Variants in PDGFRB observed in about 807,000 individuals in gnomAD.
PDGFRB encodes platelet-derived growth factor receptor beta.
A neutral mutation model predicts 120.2 loss-of-function variants in PDGFRB; 42 were observed. The ratio of observed to expected loss-of-function variants is 0.35; its 90% confidence interval spans 0.27 to 0.45. PDGFRB has a LOEUF of 0.45. Among genes scored for constraint, PDGFRB ranks in the 20% least tolerant of loss-of-function variants. The pLI is 1.00. For missense variants in PDGFRB, 1,149 were observed against 1,476.3 expected (o/e 0.78, Z 3.63); for synonymous variants, 586 against 606.8 (o/e 0.97, Z 0.50).
chr5:150,134,705 G>T, intron 4 of PDGFRB, 45 bp downstream of exon 4: 3 of 1,559,484 alleles, frequency 1.9e-6, no homozygotes, highest in Non-Finnish European at 2.6e-6. Context: ...TCTGTGGAGG[G>T]TTATACTTGC....
intron 11 of PDGFRB, 88 bp from the exon 12 acceptor site, chr5:150,125,665 A>C: frequency 1.5e-6 from 2 of 1,320,854 alleles, no homozygotes; most frequent in South Asian, 1.3e-5. Flanking sequence ...CACATGGGGC[A>C]GGAGACCCTG....
At chr5:150,128,182 C>T (rs1330262201) in intron 10 of PDGFRB, among the ~76,000 whole-genome samples, 1 of 152,246 alleles carries the variant, frequency 6.6e-6, no homozygotes, top group Non-Finnish European at 1.5e-5. Context: ...TGGTGCTCAG[C>T]TTCCCGCTCA....
intron 1 of PDGFRB, among the ~76,000 whole-genome samples, chr5:150,146,543 A>G (rs1292596300): frequency 1.3e-5 from 2 of 152,068 alleles, no homozygotes; most frequent in South Asian, 2.1e-4. Context: ...TCCAAAGCCT[A>G]TATTCTTTCT....
At position 150,132,976 on chromosome 5, in the gene PDGFRB, G is replaced by A. The variant is rs1472219075; in HGVS notation, c.935-34C>T. 1.4e-6 allele frequency: 2 copies of A among 1,461,424 alleles called. No homozygotes were observed. Among genetic ancestry groups the A allele is most frequent in the Non-Finnish European group, 1.9e-6 (2 of 1,073,048 alleles). The allele number at this position is 1,461,424 out of a possible 1,614,324, so 90.5% of individuals were successfully genotyped here. ...GGTGACCGTCAGGGGCGGGGCCCTG[G>A]GGGCAGGGCACCAACTGAATCCCAA... is the stretch of plus-strand genomic sequence containing the variant. On this transcript the variant is annotated intron_variant, in intron 6 of 22. Transcript: ENST00000261799. This position sits in a 1 kb window ranked among gnomAD's most constrained non-coding sequence, Gnocchi z 5.0.
chr5:150,135,911 CAGG>C lies in PDGFRB; in HGVS notation c.41-36_41-34del, dbSNP rs1760617202. On this transcript the variant is annotated intron_variant, in intron 2 of 22. Coordinates refer to ENST00000261799, the MANE Select transcript of PDGFRB (RefSeq NM_002609.4). ...AGAGGAGGTATCAGACATCAGGAAACAGGGGCTTCAGCACCTCTCCCAAGGCTG... is the reference window on the plus strand; with the variant it reads ...AGAGGAGGTATCAGACATCAGGAAACGGCTTCAGCACCTCTCCCAAGGCTG... 2.1e-6 allele frequency: 3 copies of C among 1,459,062 alleles called. No individual in the cohort carries two copies. The African/African-American group carries it at 4.3e-5, about 21-fold the overall frequency. 90.4% of individuals were successfully genotyped at this position (1,459,062 alleles called of 1,614,324 possible). A position where few individuals can be genotyped will look rare whatever the true frequency, so the allele number is the denominator to read the frequency against.
chr5:150,132,189 A>G lies in PDGFRB; in HGVS notation c.1128-95T>C. ...AAGAGGAACAAGGCCCAGGGAGGGG[A>G]AGGGCTTGCCAAGGTCATCTCGGCA... is the stretch of plus-strand genomic sequence containing the variant. On this transcript the variant is annotated intron_variant, in intron 7 of 22. Coordinates refer to ENST00000261799, the MANE Select transcript of PDGFRB (RefSeq NM_002609.4). The surrounding 1 kb of genome is among the most constrained non-coding windows in gnomAD (Gnocchi z 5.0). The G allele has an allele frequency of 1.4e-6, 1 of 689,836 alleles. No individual in the cohort carries two copies. Among genetic ancestry groups the G allele is most frequent in the Non-Finnish European group, 2.6e-6 (1 of 387,688 alleles). 42.7% of individuals were successfully genotyped at this position (689,836 alleles called of 1,614,324 possible).
At position 150,118,962 on chromosome 5, in the gene PDGFRB, G is replaced by A. The variant is rs575616293; in HGVS notation, c.2799-110C>T. 5 of 680,870 alleles carry A rather than the reference G, an allele frequency of 7.3e-6. No homozygotes were observed. The South Asian group carries it at 9.2e-5, about 12-fold the overall frequency. The allele number at this position is 680,870 out of a possible 1,614,324, so 42.2% of individuals were successfully genotyped here. On this transcript the variant is annotated intron_variant, in intron 20 of 22. Coordinates refer to ENST00000261799, the MANE Select transcript of PDGFRB (RefSeq NM_002609.4). ...TCAGAACAAGGTGAGCCATGGAAAG[G>A]AGCTGGAGGGAAGTGGTGGCTGGGT... is the stretch of plus-strand genomic sequence containing the variant.
chr5:150,115,292 T>G lies in PDGFRB; in HGVS notation c.*471A>C. ...GCCAGCAGCCAGGGAGGCTAGGGTC[T>G]CTTCCCTAGCTCCTGGGTGGATAAA... On this transcript the variant is annotated 3_prime_UTR_variant, in exon 23 of 23. Transcript: ENST00000261799. 2 of 233,344 alleles carry G rather than the reference T, an allele frequency of 8.6e-6. No individual in the cohort carries two copies. The highest frequency in any genetic ancestry group is 1.7e-5 in the Non-Finnish European group (2 of 118,178). 14.5% of individuals were successfully genotyped at this position (233,344 alleles called of 1,614,324 possible).
intron 12 of PDGFRB, 149 bp downstream of exon 12, chr5:150,125,296 G>A (rs1047713199): frequency 1.9e-5 from 12 of 624,878 alleles, no homozygotes; most frequent in Non-Finnish European, 3.0e-5. Flanking sequence ...TGCTCTCATT[G>A]TACATAGTAG....
chr5:150,121,173 C>T lies in PDGFRB; in HGVS notation c.2463+31G>A, dbSNP rs1220012483. ...GCTGGGTGACCCACCTCCCCACAGCCCCCACTCTGCCCCACCAACACCACA... is the reference window on the plus strand; with the variant it reads ...GCTGGGTGACCCACCTCCCCACAGCTCCCACTCTGCCCCACCAACACCACA... On this transcript the variant is annotated intron_variant, in intron 17 of 22. Coordinates refer to ENST00000261799, the MANE Select transcript of PDGFRB (RefSeq NM_002609.4). This position sits in a 1 kb window ranked among gnomAD's most constrained non-coding sequence, Gnocchi z 4.1. 2.3e-6 allele frequency: 3 copies of T among 1,315,842 alleles called. No individual in the cohort carries two copies. The highest frequency in any genetic ancestry group is 1.2e-5 in the South Asian group (1 of 85,222). 81.5% of individuals were successfully genotyped at this position (1,315,842 alleles called of 1,614,324 possible).
intron 1 of PDGFRB, among the ~76,000 whole-genome samples, chr5:150,146,066 C>T (rs1760913705): frequency 6.6e-6 from 1 of 152,142 alleles, no homozygotes. Context: ...ATTCACATCT[C>T]CCCCACCTTC....
chr5:150,140,939 C>A (rs1178921576), intron 1 of PDGFRB, among the ~76,000 whole-genome samples: 2 of 152,186 alleles, frequency 1.3e-5, no homozygotes, highest in Non-Finnish European at 1.5e-5. Context: ...CCAGCAACAG[C>A]TTCCCTCCCT....
intron 14 of PDGFRB, 72 bp downstream of exon 14, chr5:150,124,176 AGG>A: frequency 1.0e-6 from 1 of 965,384 alleles, no homozygotes; most frequent in Non-Finnish European, 1.6e-6. Flanking sequence ...GCAAGGCCTG[AGG>A]GGGGGGTAGG....
chr5:150,139,690 G>A (rs1760728483), intron 1 of PDGFRB, among the ~76,000 whole-genome samples: 1 of 129,734 alleles, frequency 7.7e-6, no homozygotes, highest in Non-Finnish European at 1.6e-5. Flanking sequence ...ACAATTAAGA[G>A]TTAGACCAAG....
At chr5:150,151,793 C>T (rs1165489562) in intron 1 of PDGFRB, among the ~76,000 whole-genome samples, 4 of 142,588 alleles carry the variant, frequency 2.8e-5, no homozygotes, top group African/African-American at 8.0e-5. Flanking sequence ...GCTTGGGAAG[C>T]GGAGGTTGCG....
At chr5:150,118,891 G>T in intron 20 of PDGFRB, 39 bp from the exon 21 acceptor site, 1 of 1,291,046 alleles carries the variant, frequency 7.7e-7, no homozygotes, top group Non-Finnish European at 1.1e-6. Context: ...CTGGCCCAGG[G>T]TTCAGGGGAC....
Position 150,121,234 on chromosome 5 carries a change from G to A in PDGFRB, c.2433C>T (p.Ala811=), listed in dbSNP as rs370373380. The part of the protein sequence containing the change: ...MDLVGFSYQV[A]NGMEFLASKN... ...TGGAGGCCAGAAACTCCATGCCATT[G>A]GCCACCTGGTAGCTGAAGCCCACGA... Residue 811 remains alanine, a synonymous_variant, in exon 17 of 23, where the codon GCC becomes GCT. Coordinates refer to ENST00000261799, the MANE Select transcript of PDGFRB (RefSeq NM_002609.4). This position sits in a 1 kb window ranked among gnomAD's most constrained non-coding sequence, Gnocchi z 4.1. 1.4e-5 allele frequency: 23 copies of A among 1,593,582 alleles called. No homozygotes were observed. Among genetic ancestry groups the A allele is most frequent in the Non-Finnish European group, 2.0e-5 (23 of 1,161,988 alleles).
At chr5:150,133,252 CCT>C (rs1760524292) in intron 6 of PDGFRB, among the ~76,000 whole-genome samples, 2 of 152,100 alleles carry the variant, frequency 1.3e-5, no homozygotes, top group South Asian at 4.1e-4. Flanking sequence ...GCTTCCCGGA[CCT>C]GGGATGGCAG....
rs113785901 is a variant in PDGFRB at position 150,117,617 on chromosome 5, C to T, written c.3137+1G>A. 6.3e-7 allele frequency: 1 copy of T among 1,583,754 alleles called. No homozygotes were observed. The highest frequency in any genetic ancestry group is 8.7e-7 in the Non-Finnish European group (1 of 1,154,014). On this transcript the variant is annotated splice_donor_variant, in intron 22 of 22. Coordinates refer to ENST00000261799, the MANE Select transcript of PDGFRB (RefSeq NM_002609.4). LOFTEE classifies it high-confidence loss of function. ...CCTTGGCCCCAGGCCAGGGTGGTTACCTGGCTAGGCTGGGGGAACCCTCCA... is the reference window on the plus strand; with the variant it reads ...CCTTGGCCCCAGGCCAGGGTGGTTATCTGGCTAGGCTGGGGGAACCCTCCA...
Sources: gnomAD v4.1 joint callset for allele counts (sites outside exome capture counted in the v4.1 genomes callset) on GRCh38, gnomAD v4.1.1 for gene constraint, Gnocchi (gnomAD v3.1) non-coding constraint, MANE v1.5 for transcripts, NCBI Gene and HGNC (gene_info 2026-07-23, HGNC 2026-07-21) for gene names.